Variants in NR5A2 observed in about 807,000 individuals in gnomAD.
NR5A2 encodes the protein nuclear receptor subfamily 5 group A member 2, also known as CYP7A promoter-binding factor.
In NR5A2, 26 loss-of-function variants were observed where a neutral mutation model predicts 62.7. The observed-to-expected ratio is 0.41, with a 90% CI of 0.30 to 0.58. The LOEUF (loss-of-function observed/expected upper bound fraction) is 0.58, where lower values mean the gene tolerates loss of function less well. Ranked by LOEUF, NR5A2 falls within the 20% of genes least tolerant of loss-of-function variation. The pLI is 0.22. For missense variants in NR5A2, 541 were observed against 669.1 expected, an observed-to-expected ratio of 0.81 and a Z score of 2.11; for synonymous variants, 246 against 241.7, an observed-to-expected ratio of 1.02 and a Z score of -0.16.
chr1:200,093,586 G>A (rs750303250), intron 5 of NR5A2, among the ~76,000 whole-genome samples: 34 of 152,332 alleles, frequency 2.2e-4, no homozygotes, highest in Non-Finnish European at 4.1e-4. Context: ...AGCCTCCAAA[G>A]CCGCCAAGAC....
chr1:200,091,955 C>T (rs981726747), intron 5 of NR5A2, among the ~76,000 whole-genome samples: 24 of 152,150 alleles, frequency 1.6e-4, no homozygotes, highest in African/African-American at 5.8e-4. Context: ...GCATTGGTTT[C>T]ATTAGTCAGC....
rs187604984 is a variant in NR5A2, at chr1:200,148,067, G to T, written c.1379-25896G>T. 9.4e-4 allele frequency: 271 copies of T among 289,588 alleles called. 1 individual carries two copies. The highest frequency in any genetic ancestry group is 5.2e-3 in the African/African-American group (230 of 44,180). The allele number at this position is 289,588 out of a possible 1,614,324, so 17.9% of individuals were successfully genotyped here. A position where few individuals can be genotyped will look rare whatever the true frequency, so the allele number is the denominator to read the frequency against. ...AGCGCACGGTCCCCATGCAGTCGGGGCCCGCCTCGAAGGTATCCACCAGGT... is the reference window on the plus strand; with the variant it reads ...AGCGCACGGTCCCCATGCAGTCGGGTCCCGCCTCGAAGGTATCCACCAGGT... On this transcript the variant is annotated intron_variant, in intron 7 of 7. Coordinates refer to ENST00000367362, the MANE Select transcript of NR5A2 (RefSeq NM_205860.3).
At chr1:200,130,779 A>G (rs1666938415) in intron 7 of NR5A2, among the ~76,000 whole-genome samples, 1 of 151,984 alleles carries the variant, frequency 6.6e-6, no homozygotes, top group Admixed American at 6.6e-5. Flanking sequence ...TTACATACTC[A>G]CCCACACACA....
chr1:200,112,966 T>C (rs1362974464), intron 6 of NR5A2, among the ~76,000 whole-genome samples: 1 of 152,252 alleles, frequency 6.6e-6, no homozygotes, highest in Non-Finnish European at 1.5e-5. Flanking sequence ...TTTAGAAATA[T>C]TTCTTATTTC....
chr1:200,177,283 G>A lies in NR5A2; in HGVS notation c.*3073G>A, dbSNP rs988223305. On this transcript the variant is annotated 3_prime_UTR_variant, in exon 8 of 8. Coordinates refer to ENST00000367362, the MANE Select transcript of NR5A2 (RefSeq NM_205860.3). ...ATGCAATGTTTAGAGTGTGAAGTCAGTTACTTGTTGATGTTTTCTTACTGT... is the reference window on the plus strand; with the variant it reads ...ATGCAATGTTTAGAGTGTGAAGTCAATTACTTGTTGATGTTTTCTTACTGT... 2.0e-5 allele frequency: 3 copies of A among 152,614 alleles called. No homozygotes were observed. The highest frequency in any genetic ancestry group is 4.4e-5 in the Non-Finnish European group (3 of 68,022). 9.5% of individuals were successfully genotyped at this position (152,614 alleles called of 1,614,324 possible).
At chr1:200,155,526 A>G (rs563767640) in intron 7 of NR5A2, among the ~76,000 whole-genome samples, 1 of 152,346 alleles carries the variant, frequency 6.6e-6, no homozygotes, top group East Asian at 1.9e-4. Flanking sequence ...GAGATGTTGT[A>G]AAGTCATCAT....
Position 200,151,414 on chromosome 1 carries a change from A to G in NR5A2, c.1379-22549A>G, listed in dbSNP as rs142004350. ...TTCCTTTTCTATTGATGTATCAACT[A>G]TAATAGTTACAAGCAGCTACAGAAA... is the stretch of plus-strand genomic sequence containing the variant. On this transcript the variant is annotated intron_variant, in intron 7 of 7. Coordinates refer to ENST00000367362, the MANE Select transcript of NR5A2 (RefSeq NM_205860.3). Among the ~76,000 whole-genome samples the G allele has an allele frequency of 3.0e-3, 461 of 152,300 alleles. 2 individuals are homozygous for G. The highest frequency in any genetic ancestry group is 5.1e-3 in the Non-Finnish European group (349 of 68,018).
intron 5 of NR5A2, among the ~76,000 whole-genome samples, chr1:200,109,963 C>T (rs1338712667): frequency 6.6e-6 from 1 of 152,122 alleles, no homozygotes; most frequent in Non-Finnish European, 1.5e-5. Context: ...CAGGGTTTCA[C>T]CATGTTGGCC....
Position 200,041,471 on chromosome 1 carries a change from C to T in NR5A2, c.202+1676C>T, listed in dbSNP as rs970139207. Among the ~76,000 whole-genome samples, 11 of 152,240 alleles carry T rather than the reference C, an allele frequency of 7.2e-5. 1 individual carries two copies. The highest frequency in any genetic ancestry group is 1.4e-4 in the African/African-American group (6 of 41,550). Reference sequence around the variant, plus strand: ...CCCTGGGGGATGGGGACCCCATTCTCCTGCTTGCTCTGGTTCCCACCTGGG... The same window carrying T: ...CCCTGGGGGATGGGGACCCCATTCTTCTGCTTGCTCTGGTTCCCACCTGGG... On this transcript the variant is annotated intron_variant, in intron 2 of 7. Coordinates refer to ENST00000367362, the MANE Select transcript of NR5A2 (RefSeq NM_205860.3).
intron 5 of NR5A2, 122 bp from the exon 6 acceptor site, chr1:200,111,080 G>A (rs1665918501): frequency 9.0e-7 from 1 of 1,117,006 alleles, no homozygotes; most frequent in South Asian, 1.7e-5. Flanking sequence ...GTGACCATGG[G>A]TGGAGACTTT....
At chr1:200,074,921 C>A (rs751169406) in intron 5 of NR5A2, among the ~76,000 whole-genome samples, 1 of 150,852 alleles carries the variant, frequency 6.6e-6, no homozygotes, top group African/African-American at 2.4e-5. Context: ...GGGGTTTACA[C>A]GTGAAATTAT....
intron 5 of NR5A2, among the ~76,000 whole-genome samples, chr1:200,099,766 G>T (rs906857641): frequency 1.3e-5 from 2 of 152,082 alleles, no homozygotes. Context: ...GCTAATTTTT[G>T]TATTTTTAGT....
At chr1:200,153,326 A>G (rs1653222743) in intron 7 of NR5A2, among the ~76,000 whole-genome samples, 1 of 152,222 alleles carries the variant, frequency 6.6e-6, no homozygotes, top group South Asian at 2.1e-4. Flanking sequence ...CACATAGTTA[A>G]AAAGAAATCC....
Position 200,109,629 on chromosome 1 carries a change from T to G in NR5A2, c.1111-1573T>G, listed in dbSNP as rs1451173344. 5.9e-5 allele frequency among the ~76,000 whole-genome samples: 9 copies of G among 152,298 alleles called. No individual in the cohort carries two copies. The East Asian group carries it at 1.7e-3, about 29-fold the overall frequency. On this transcript the variant is annotated intron_variant, in intron 5 of 7. Transcript: ENST00000367362. ...AGAAACTCTTATCACTACTAATATA[T>G]CAGTGACAGCTATTCAGAGTCTTAT...
chr1:200,139,541 G>A (rs2102342342), intron 7 of NR5A2, among the ~76,000 whole-genome samples: 1 of 152,298 alleles, frequency 6.6e-6, no homozygotes, highest in South Asian at 2.1e-4. Flanking sequence ...CTTGGAGAGA[G>A]ATCCAACAGC....
chr1:200,135,009 G>C (rs1476049035), intron 7 of NR5A2, among the ~76,000 whole-genome samples: 1 of 152,166 alleles, frequency 6.6e-6, no homozygotes, highest in Non-Finnish European at 1.5e-5. Context: ...TATTTACAAA[G>C]TACCCTATTC....
chr1:200,154,366 C>G (rs765080139), intron 7 of NR5A2, among the ~76,000 whole-genome samples: 1 of 152,178 alleles, frequency 6.6e-6, no homozygotes, highest in Non-Finnish European at 1.5e-5. Context: ...GCCTCTAGAC[C>G]AAAACATGCA....
intron 7 of NR5A2, among the ~76,000 whole-genome samples, chr1:200,150,660 GGA>G (rs1051116071): frequency 9.2e-5 from 14 of 152,234 alleles, no homozygotes; most frequent in South Asian, 4.1e-4. Context: ...TAGAGGGTTG[GGA>G]GAGAGAAGAG....
intron 7 of NR5A2, among the ~76,000 whole-genome samples, chr1:200,136,481 T>A (rs1366025657): frequency 1.3e-5 from 2 of 152,220 alleles, no homozygotes; most frequent in Non-Finnish European, 2.9e-5. Context: ...TTGTTTCTAA[T>A]CTTCATAAGC....
Sources: allele counts gnomAD v4.1 joint callset (sites outside exome capture counted in the v4.1 genomes callset), GRCh38; gene constraint gnomAD v4.1.1; transcripts MANE v1.5; gene names NCBI Gene and HGNC (gene_info 2026-07-23, HGNC 2026-07-21).